Variants in DNAJC7 observed in about 807,000 individuals in gnomAD.
DNAJC7 encodes DnaJ heat shock protein family (Hsp40) member C7, also known as dnaJ homolog subfamily C member 7.
DNAJC7 carries 18 observed loss-of-function variants against 67.4 expected under a neutral mutation model. The ratio of observed to expected loss-of-function variants is 0.27; its 90% CI spans 0.18 to 0.40. DNAJC7 has a LOEUF of 0.40. Among genes scored for constraint, DNAJC7 ranks in the 10% least tolerant of loss-of-function variants. DNAJC7 has a pLI of 1.00. For missense variants in DNAJC7, 419 were observed against 613.8 expected, an observed-to-expected ratio of 0.68 and a Z score of 3.35; for synonymous variants, 220 against 207.8, an observed-to-expected ratio of 1.06 and a Z score of -0.50.
At chr17:41,997,284 C>G (rs1450545457) in intron 2 of DNAJC7, 45 bp from the exon 3 acceptor site, 5 of 1,592,532 alleles carry the variant, frequency 3.1e-6, no homozygotes, top group South Asian at 2.3e-5. Context: ...TAGAACAGGT[C>G]CCTGCTTTGA....
intron 10 of DNAJC7, among the ~76,000 whole-genome samples, chr17:41,982,891 C>T (rs929514853): frequency 2.7e-5 from 4 of 150,582 alleles, no homozygotes; most frequent in Admixed American, 6.6e-5. Context: ...ACCTGGGAGG[C>T]AAAGGTTGTA....
At chr17:41,977,549 C>G in intron 12 of DNAJC7, 1 of 409,768 alleles carries the variant, frequency 2.4e-6, no homozygotes, top group African/African-American at 2.0e-5. Flanking sequence ...CTTCCAACTG[C>G]TGCCCCAAAG....
rs782319088 is a variant in DNAJC7, at chr17:41,976,722, G to A, written c.*11C>T. 1 of 1,610,438 alleles carries A rather than the reference G, an allele frequency of 6.2e-7. No individual in the cohort carries two copies. The highest frequency in any genetic ancestry group is 1.1e-5 in the South Asian group (1 of 90,902). Reference sequence around the variant, plus strand: ...ATCTGCATTTTCTGGGTTCTGGGTGGTTGCCCTTCATTAGCCAAATTGAAA... The same window carrying A: ...ATCTGCATTTTCTGGGTTCTGGGTGATTGCCCTTCATTAGCCAAATTGAAA... On this transcript the variant is annotated 3_prime_UTR_variant, in exon 14 of 14. Coordinates refer to ENST00000457167, the MANE Select transcript of DNAJC7 (RefSeq NM_003315.4).
At chr17:42,009,425 CT>C (rs2143336154) in intron 1 of DNAJC7, among the ~76,000 whole-genome samples, 1 of 152,340 alleles carries the variant, frequency 6.6e-6, no homozygotes, top group South Asian at 2.1e-4. Context: ...CTGTGCCTGG[CT>C]ATGCAGCTGG....
At chr17:42,001,141 C>T (rs1231979927) in intron 1 of DNAJC7, 1 of 152,506 alleles carries the variant, frequency 6.6e-6, no homozygotes, top group Non-Finnish European at 1.5e-5. Context: ...AAGACAGGAA[C>T]AGAGCTGAGT....
At chr17:41,980,052 C>CT (rs111374192) in intron 12 of DNAJC7, among the ~76,000 whole-genome samples, 2,691 of 136,678 alleles carry the variant, frequency 0.02, 84 homozygotes, top group African/African-American at 0.064. Flanking sequence ...GTCAGGTCCT[C>CT]TTTTTTTTTT....
intron 12 of DNAJC7, among the ~76,000 whole-genome samples, chr17:41,980,947 C>G (rs1162576803): frequency 6.6e-6 from 1 of 152,148 alleles, no homozygotes; most frequent in Non-Finnish European, 1.5e-5. Flanking sequence ...CAGCTACTTG[C>G]CGGCCTTCCA....
At position 42,007,007 on chromosome 17, in the gene DNAJC7, C is replaced by T. The variant is rs560576274; in HGVS notation, c.78-6437G>A. On this transcript the variant is annotated intron_variant, in intron 1 of 13. Coordinates refer to ENST00000457167, the MANE Select transcript of DNAJC7 (RefSeq NM_003315.4). ...GTCCCAGCTACTCAGTAGGCTGAGGCAGGAGAATGGTGTGAACCCGGGAGA... is the reference window on the plus strand; with the variant it reads ...GTCCCAGCTACTCAGTAGGCTGAGGTAGGAGAATGGTGTGAACCCGGGAGA... Among the ~76,000 whole-genome samples, 12 of 150,548 alleles carry T rather than the reference C, an allele frequency of 8.0e-5. No homozygotes were observed. The South Asian group carries it at 1.7e-3, about 21-fold the overall frequency.
At chr17:42,010,445 T>C (rs1054560081) in intron 1 of DNAJC7, among the ~76,000 whole-genome samples, 2 of 152,040 alleles carry the variant, frequency 1.3e-5, no homozygotes, top group Non-Finnish European at 2.9e-5. Flanking sequence ...TGAGCCAAGA[T>C]TGCGCCATTG....
rs142865844 is a variant in DNAJC7, at chr17:41,989,410, G to C, written c.747C>G (p.Ala249=). 2.1e-5 allele frequency: 34 copies of C among 1,613,884 alleles called. No homozygotes were observed. In the African/African-American group the frequency reaches 2.5e-4, roughly 12 times the overall value. ...MAPDHEKACI[A]CRNAKALKAK... ...TCTGGTGACTAGAACTTACTCTGCA[G>C]GCAATGCAGGCCTTCTCGTGGTCAG... is the stretch of plus-strand genomic sequence containing the variant. Residue 249 remains alanine, a synonymous_variant, in exon 7 of 14, where the codon GCC becomes GCG. Transcript: ENST00000457167.
rs546796177 is a variant in DNAJC7, at chr17:41,995,293, C to G, written c.406-349G>C. Reference sequence around the variant, plus strand: ...CAGTCAAGACTTCTTAACAGAAGGGCTAGACCCAATCTTCACCCTCAGTTT... The same window carrying G: ...CAGTCAAGACTTCTTAACAGAAGGGGTAGACCCAATCTTCACCCTCAGTTT... On this transcript the variant is annotated intron_variant, in intron 4 of 13. Transcript: ENST00000457167. 2.0e-5 allele frequency among the ~76,000 whole-genome samples: 3 copies of G among 152,270 alleles called. No individual in the cohort carries two copies. In the South Asian group the frequency reaches 6.2e-4, roughly 32 times the overall value.
At position 42,000,466 on chromosome 17, in the gene DNAJC7, A is replaced by T. The variant is rs371313185; in HGVS notation, c.166+16T>A. On this transcript the variant is annotated intron_variant, in intron 2 of 13. Transcript: ENST00000457167. ...CAAGTAAATGTTTTCTAGCGTAAGT[A>T]TCAGTTCTTTCTCACCTATGGCTTT... 6 of 1,562,104 alleles carry T rather than the reference A, an allele frequency of 3.8e-6. No homozygotes were observed. The highest frequency in any genetic ancestry group is 5.3e-6 in the Non-Finnish European group (6 of 1,141,258).
At chr17:41,989,832 G>C (rs1460386659) in intron 6 of DNAJC7, among the ~76,000 whole-genome samples, 2 of 152,190 alleles carry the variant, frequency 1.3e-5, no homozygotes, top group African/African-American at 4.8e-5. Flanking sequence ...ACTGGTTTTT[G>C]TAAATAAAAC....
chr17:41,988,000 A>C, intron 8 of DNAJC7, 90 bp from the exon 9 acceptor site: 2 of 1,071,456 alleles, frequency 1.9e-6, no homozygotes, highest in Non-Finnish European at 2.8e-6. Flanking sequence ...CTCTAAGAGG[A>C]TCAGTCATGC....
At chr17:42,016,584 C>T (rs1047796042) in intron 1 of DNAJC7, 2 of 152,584 alleles carry the variant, frequency 1.3e-5, no homozygotes, top group African/African-American at 2.4e-5. Flanking sequence ...GAAAACCACT[C>T]ACTCAGCAGC....
At chr17:41,986,930 T>A (rs1555646966) in intron 9 of DNAJC7, among the ~76,000 whole-genome samples, 1 of 152,190 alleles carries the variant, frequency 6.6e-6, no homozygotes, top group East Asian at 1.9e-4. Flanking sequence ...AGTGACAGCA[T>A]CTGTTCTTTG....
At chr17:42,007,721 A>G (rs1598150522) in intron 1 of DNAJC7, among the ~76,000 whole-genome samples, 1 of 150,904 alleles carries the variant, frequency 6.6e-6, no homozygotes, top group African/African-American at 2.4e-5. Flanking sequence ...ATGGGGTTTC[A>G]CTATGTTGCC....
At chr17:42,014,473 CT>C (rs2052209418) in intron 1 of DNAJC7, 1 of 150,778 alleles carries the variant, frequency 6.6e-6, no homozygotes, top group Non-Finnish European at 1.5e-5. Context: ...GCCAATTTTC[CT>C]TTTGATTTGT....
At chr17:41,982,957 C>A (rs2051287950) in intron 10 of DNAJC7, among the ~76,000 whole-genome samples, 1 of 143,078 alleles carries the variant, frequency 7.0e-6, no homozygotes, top group Non-Finnish European at 1.5e-5. Flanking sequence ...AGGACTCCAT[C>A]TTAAAAAAAA....
Sources: allele counts gnomAD v4.1 joint callset (sites outside exome capture counted in the v4.1 genomes callset), GRCh38; gene constraint gnomAD v4.1.1; transcripts MANE v1.5; gene names NCBI Gene and HGNC (gene_info 2026-07-23, HGNC 2026-07-21).